The following FRMPD3 variants were observed in gnomAD, a reference collection of about 807,000 sequenced individuals.
The protein encoded by FRMPD3 is FERM and PDZ domain containing 3.
FRMPD3 carries 42 observed loss-of-function variants against 97.9 expected under a neutral mutation model. The ratio of observed to expected loss-of-function variants is 0.43; its 90% CI spans 0.34 to 0.55. The LOEUF is 0.55. FRMPD3 is among the 20% of genes least tolerant of loss of function. FRMPD3 has a pLI of 0.03. For missense variants in FRMPD3, 1,303 were observed against 1,457.7 expected (o/e 0.89, Z 1.73); for synonymous variants, 577 against 581.1 (o/e 0.99, Z 0.10).
chrX:107,539,039 T>C (rs1411295514), intron 4 of FRMPD3, among the ~76,000 whole-genome samples: 2 of 111,713 alleles, frequency 1.8e-5, no homozygotes, highest in Non-Finnish European at 3.8e-5. Flanking sequence ...TTCTGATTCA[T>C]TCGAGCAGCA....
intron 10 of FRMPD3, among the ~76,000 whole-genome samples, chrX:107,561,542 T>C (rs1200796313): frequency 9.0e-6 from 1 of 110,565 alleles, no homozygotes; most frequent in Non-Finnish European, 1.9e-5. Context: ...TTTCTAGTGC[T>C]CTGAGGGACT....
At chrX:107,594,444 A>T (rs1384718137) in intron 13 of FRMPD3, among the ~76,000 whole-genome samples, 1 of 112,251 alleles carries the variant, frequency 8.9e-6, no homozygotes, top group Non-Finnish European at 1.9e-5. Flanking sequence ...TGCGTTATCA[A>T]ATAGTAGGTC....
intron 1 of FRMPD3, among the ~76,000 whole-genome samples, chrX:107,524,093 C>A (rs951507428): frequency 2.7e-5 from 3 of 112,343 alleles, no homozygotes; most frequent in African/African-American, 9.7e-5. Context: ...CCCAAGAAGT[C>A]CTTTTAGCGC....
chrX:107,471,500 T>C (rs935071017), intron 1 of FRMPD3, among the ~76,000 whole-genome samples: 3 of 111,325 alleles, frequency 2.7e-5, no homozygotes, highest in African/African-American at 6.6e-5. Context: ...CCTCTCTGTG[T>C]CCATGTGTTC....
At chrX:107,466,843 G>A (rs1215236181) in intron 1 of FRMPD3, among the ~76,000 whole-genome samples, 1 of 111,876 alleles carries the variant, frequency 8.9e-6, no homozygotes, top group African/African-American at 3.3e-5. Context: ...GAGACTCTAA[G>A]AGGAGTTGAC....
intron 1 of FRMPD3, among the ~76,000 whole-genome samples, chrX:107,492,562 A>G (rs1422002389): frequency 2.7e-5 from 3 of 111,884 alleles, no homozygotes; most frequent in Non-Finnish European, 5.6e-5. Flanking sequence ...GATCATGAAT[A>G]TCCAAGAAGA....
chrX:107,602,991 G>C lies in FRMPD3; in HGVS notation c.4952G>C (p.Ser1651Thr), dbSNP rs1924616139. Residue 1651 changes from serine (S) to threonine (T), a missense_variant, in exon 15 of 15, where the codon AGC becomes ACC. By Grantham distance (58) the Ser-to-Thr change is moderately conservative. Coordinates refer to ENST00000683843, the MANE Select transcript of FRMPD3 (RefSeq NM_001388459.1). The stretch of plus-strand genomic sequence containing the variant: ...CGCCGTGTGGCCAATGTGGACAAGA[G>C]CCCAACTCACATGCTGGCAGCCATC... ...SCRRVANVDK[S>T]PTHMLAAITG... 8.3e-7 allele frequency: 1 copy of C among 1,211,353 alleles called. No homozygotes were observed.
At chrX:107,594,479 G>C (rs763502280) in intron 13 of FRMPD3, among the ~76,000 whole-genome samples, 1 of 112,279 alleles carries the variant, frequency 8.9e-6, no homozygotes, top group South Asian at 3.6e-4. Context: ...TACTTAGTTT[G>C]CTCTTGTTTT....
At chrX:107,497,120 G>A (rs1207080355) in intron 1 of FRMPD3, among the ~76,000 whole-genome samples, 1 of 112,455 alleles carries the variant, frequency 8.9e-6, no homozygotes, top group Non-Finnish European at 1.9e-5. Flanking sequence ...ATTTGATGAG[G>A]GAGTTGAGTA....
chrX:107,522,901 C>T (rs7357828), intron 1 of FRMPD3, among the ~76,000 whole-genome samples: 4 of 106,791 alleles, frequency 3.7e-5, no homozygotes, highest in Non-Finnish European at 7.7e-5. Flanking sequence ...AATAGCAGGC[C>T]TCAGAAACAA....
chrX:107,591,658 A>G (rs1923909911), intron 13 of FRMPD3, among the ~76,000 whole-genome samples: 1 of 111,568 alleles, frequency 9.0e-6, no homozygotes, highest in Non-Finnish European at 1.9e-5. Context: ...ACCAACTTTT[A>G]GTTTTATTGA....
At chrX:107,550,263 A>T in intron 6 of FRMPD3, 107 bp downstream of exon 6, 3 of 549,196 alleles carry the variant, frequency 5.5e-6, no homozygotes, top group Non-Finnish European at 9.1e-6. Context: ...CCACTGGAGT[A>T]AGGTGGCCTT....
In FRMPD3 at chrX:107,531,111, TACACAC is replaced by T. The variant is rs35430860; in HGVS notation, c.251+631_251+636del. On this transcript the variant is annotated intron_variant, in intron 3 of 14. Transcript: ENST00000683843. ...ACCTATCCTTTACCCCTGTGCACAT[TACACAC>T]ACACACACACACACACACACACACA... 4.1e-3 allele frequency among the ~76,000 whole-genome samples: 387 copies of T among 93,598 alleles called. 1 individual carries two copies. The highest frequency in any genetic ancestry group is 0.013 in the African/African-American group (325 of 25,540). 81.3% of individuals were successfully genotyped at this position (93,598 alleles called of 115,157 possible). A position where few individuals can be genotyped will look rare whatever the true frequency, so the allele number is the denominator to read the frequency against.
chrX:107,465,289 T>A (rs1424700140), intron 1 of FRMPD3, among the ~76,000 whole-genome samples: 2 of 110,466 alleles, frequency 1.8e-5, no homozygotes, highest in Non-Finnish European at 3.8e-5. Context: ...CTGGCCAATG[T>A]GACAAAACCC....
chrX:107,597,247 C>T, intron 13 of FRMPD3, 74 bp from the exon 14 acceptor site: 1 of 907,453 alleles, frequency 1.1e-6, no homozygotes, highest in South Asian at 2.3e-5. Context: ...GAGACATGGG[C>T]CAGAGACAAC....
chrX:107,556,706 G>T, intron 8 of FRMPD3, among the ~76,000 whole-genome samples: 1 of 112,006 alleles, frequency 8.9e-6, no homozygotes, highest in Non-Finnish European at 1.9e-5. Context: ...ATAGAAATGA[G>T]ATCATATGGT....
intron 1 of FRMPD3, among the ~76,000 whole-genome samples, chrX:107,451,432 T>G (rs1440707139): frequency 8.9e-6 from 1 of 111,997 alleles, no homozygotes; most frequent in Non-Finnish European, 1.9e-5. Context: ...CCCGGGATAG[T>G]GTGCCAGTTC....
Position 107,477,066 on chromosome X carries a change from G to A in FRMPD3, c.-8+27061G>A, listed in dbSNP as rs140248653. ...CCTGGGGCCTTAAGAAAGGAAAGCAGGAATGAATGGGGAAGCCAAGCTAGA... is the reference window on the plus strand; with the variant it reads ...CCTGGGGCCTTAAGAAAGGAAAGCAAGAATGAATGGGGAAGCCAAGCTAGA... On this transcript the variant is annotated intron_variant, in intron 1 of 14. Transcript: ENST00000683843. Among the ~76,000 whole-genome samples the A allele has an allele frequency of 7.9e-3, 887 of 112,650 alleles. 10 individuals are homozygous for A. Among genetic ancestry groups the A allele is most frequent in the African/African-American group, 0.027 (844 of 31,059 alleles).
intron 13 of FRMPD3, among the ~76,000 whole-genome samples, chrX:107,595,369 C>A (rs1345982959): frequency 9.1e-6 from 1 of 110,373 alleles, no homozygotes; most frequent in Non-Finnish European, 1.9e-5. Context: ...TTCCCAGACT[C>A]CCTTCTGTTA....
Sources: allele counts gnomAD v4.1 joint callset (sites outside exome capture counted in the v4.1 genomes callset), GRCh38; gene constraint gnomAD v4.1.1; transcripts MANE v1.5; gene names NCBI Gene and HGNC (gene_info 2026-07-23, HGNC 2026-07-21).